CTCF: variants seen among roughly 807,000 people sequenced by gnomAD.
CTCF encodes CCCTC-binding factor.
In CTCF, 7 loss-of-function variants were observed where a neutral mutation model predicts 72.3. That is an observed-to-expected ratio of 0.10 (90% confidence interval 0.06 to 0.18). The LOEUF (loss-of-function observed/expected upper bound fraction) is 0.18, where lower values mean the gene tolerates loss of function less well. CTCF is among the 10% of genes least tolerant of loss of function. The pLI is 1.00. For missense variants in CTCF, 516 were observed against 949.1 expected (o/e 0.54, Z 6.00); for synonymous variants, 374 against 315.8 (o/e 1.18, Z -1.95).
At chr16:67,629,791 T>TTTTTTTTTG (rs2052340044) in intron 10 of CTCF, among the ~76,000 whole-genome samples, 1 of 106,284 alleles carries the variant, frequency 9.4e-6, no homozygotes, top group Non-Finnish European at 1.8e-5. Flanking sequence ...TTTTTTTTTT[T>TTTTTTTTTG]TGAGACGGAG....
chr16:67,588,577 G>T (rs1371153019), intron 2 of CTCF, among the ~76,000 whole-genome samples: 3 of 152,166 alleles, frequency 2.0e-5, no homozygotes, highest in Admixed American at 6.5e-5. Flanking sequence ...GCAGCCTCCT[G>T]TTGGTACTAT....
At chr16:67,634,382 A>AT (rs2052402263) in intron 10 of CTCF, among the ~76,000 whole-genome samples, 1 of 151,754 alleles carries the variant, frequency 6.6e-6, no homozygotes, top group Non-Finnish European at 1.5e-5. Flanking sequence ...TAATTTTTGT[A>AT]TTTTTAGTAG....
chr16:67,629,745 CCTTTTTTTTTTTTTTTTTTTTTTTTT>C (rs2052338387), intron 10 of CTCF, among the ~76,000 whole-genome samples: 2 of 85,028 alleles, frequency 2.4e-5, no homozygotes, highest in Non-Finnish European at 4.6e-5. Flanking sequence ...TCATTAATGC[CCTTTTTTTTTTTTTTTTTTTTTTTTT>C]TTTTTTTTTT....
chr16:67,636,707 C>T lies in CTCF; in HGVS notation c.1855C>T (p.Leu619=). The T allele has an allele frequency of 1.2e-5, 20 of 1,606,200 alleles. No homozygotes were observed. The highest frequency in any genetic ancestry group is 1.7e-5 in the Non-Finnish European group (20 of 1,176,022). ...ATGAAAAGAAAATGCTGAACCAGATCTGGACGACAATGAGGATGAGGAGGA... is the reference window on the plus strand; with the variant it reads ...ATGAAAAGAAAATGCTGAACCAGATTTGGACGACAATGAGGATGAGGAGGA... ...SSDSENAEPD[L]DDNEDEEEPA... Residue 619 remains leucine, a synonymous_variant, in exon 11 of 12, where the codon CTG becomes TTG. Transcript: ENST00000264010.
chr16:67,602,116 G>A (rs577639223), intron 2 of CTCF, among the ~76,000 whole-genome samples: 2 of 152,032 alleles, frequency 1.3e-5, no homozygotes, highest in East Asian at 1.9e-4. Context: ...CGCCTGCCTC[G>A]GCCTCCCAAA....
At chr16:67,572,801 G>A (rs1567590942) in intron 2 of CTCF, among the ~76,000 whole-genome samples, 1 of 151,306 alleles carries the variant, frequency 6.6e-6, no homozygotes. Context: ...CTAGCCGAGT[G>A]TGGTGGTGGG....
chr16:67,588,524 T>G (rs2051697776), intron 2 of CTCF, among the ~76,000 whole-genome samples: 1 of 151,922 alleles, frequency 6.6e-6, no homozygotes, highest in African/African-American at 2.4e-5. Flanking sequence ...AAAGTGTCAT[T>G]TGGGCTATGG....
intron 1 of CTCF, chr16:67,563,674 G>T (rs932226721): frequency 6.6e-6 from 1 of 152,220 alleles, no homozygotes; most frequent in Admixed American, 6.5e-5. Context: ...CTGACTTTGT[G>T]CGCTCAGAGA....
intron 10 of CTCF, 99 bp downstream of exon 10, chr16:67,629,632 C>G: frequency 2.5e-6 from 3 of 1,186,802 alleles, no homozygotes; most frequent in Non-Finnish European, 3.5e-6. Context: ...GAGGCGGGCA[C>G]ACACTCTTCC....
intron 10 of CTCF, among the ~76,000 whole-genome samples, chr16:67,632,384 G>C (rs984602412): frequency 2.0e-4 from 30 of 152,148 alleles, no homozygotes; most frequent in African/African-American, 7.2e-4. Flanking sequence ...ACAGTTCTGT[G>C]TTCTGTCTGC....
chr16:67,565,095 G>A (rs138191498), intron 1 of CTCF, among the ~76,000 whole-genome samples: 2,749 of 151,464 alleles, frequency 0.018, 69 homozygotes, highest in Non-Finnish European at 0.021. Flanking sequence ...TCTGCCTCCC[G>A]GATTCAAGCA....
chr16:67,569,873 A>G (rs903214502), intron 1 of CTCF, among the ~76,000 whole-genome samples: 1 of 151,148 alleles, frequency 6.6e-6, no homozygotes, highest in African/African-American at 2.4e-5. Context: ...TTTAGTAGAG[A>G]TGGGGTTTCG....
intron 2 of CTCF, among the ~76,000 whole-genome samples, chr16:67,595,916 C>T (rs943269613): frequency 1.2e-4 from 18 of 152,044 alleles, no homozygotes; most frequent in African/African-American, 4.3e-4. Flanking sequence ...GCACCAAGGA[C>T]AACATTGGGG....
rs191634027 is a variant in CTCF at position 67,638,673 on chromosome 16, G to C, written c.*801G>C. On this transcript the variant is annotated 3_prime_UTR_variant, in exon 12 of 12. Transcript: ENST00000264010. ...CCCACGGAGCCAGCATTTGAACCTT[G>C]TATAATTAACTTTCAGTTATGATTT... 1 of 230,562 alleles carries C rather than the reference G, an allele frequency of 4.3e-6. No individual in the cohort carries two copies. Among genetic ancestry groups the C allele is most frequent in the African/African-American group, 2.2e-5 (1 of 45,224 alleles). The allele number at this position is 230,562 out of a possible 1,614,324, so 14.3% of individuals were successfully genotyped here. A position where few individuals can be genotyped will look rare whatever the true frequency, so the allele number is the denominator to read the frequency against.
At chr16:67,591,479 T>A (rs2051743174) in intron 2 of CTCF, among the ~76,000 whole-genome samples, 1 of 152,228 alleles carries the variant, frequency 6.6e-6, no homozygotes, top group Non-Finnish European at 1.5e-5. Context: ...TATTGTAGTC[T>A]ACAACTTTCC....
In CTCF at chr16:67,614,827, AC is replaced by A. The variant is rs1431276658; in HGVS notation, c.953-1917del. ...GTGCCATTGCACTCCAGCCTGGGCAACAAGAGCAAAACTCGGTCTCAAGAAA... is the reference window on the plus strand; with the variant it reads ...GTGCCATTGCACTCCAGCCTGGGCAAAAGAGCAAAACTCGGTCTCAAGAAA... On this transcript the variant is annotated intron_variant, in intron 4 of 11. Coordinates refer to ENST00000264010, the MANE Select transcript of CTCF (RefSeq NM_006565.4). The A allele has an allele frequency of 2.6e-5, 4 of 152,484 alleles. No homozygotes were observed. The East Asian group carries it at 7.7e-4, about 29-fold the overall frequency. The allele number at this position is 152,484 out of a possible 1,614,324, so 9.4% of individuals were successfully genotyped here.
intron 2 of CTCF, among the ~76,000 whole-genome samples, chr16:67,584,436 G>T (rs1453709141): frequency 6.8e-6 from 1 of 147,056 alleles, no homozygotes; most frequent in African/African-American, 2.6e-5. Flanking sequence ...TGCCCCCCAG[G>T]TTCAAGCGAT....
chr16:67,566,392 C>G, intron 1 of CTCF, among the ~76,000 whole-genome samples: 1 of 151,408 alleles, frequency 6.6e-6, no homozygotes, highest in African/African-American at 2.4e-5. Flanking sequence ...TTTCTGTAAT[C>G]CCAGCTACTC....
chr16:67,583,045 T>C (rs1193420057), intron 2 of CTCF, among the ~76,000 whole-genome samples: 5 of 149,600 alleles, frequency 3.3e-5, no homozygotes, highest in East Asian at 2.0e-4. Flanking sequence ...AGTGCAGTGG[T>C]GCGATCTCGG....
Sources: allele counts gnomAD v4.1 joint callset (sites outside exome capture counted in the v4.1 genomes callset), GRCh38; gene constraint gnomAD v4.1.1; transcripts MANE v1.5; gene names NCBI Gene and HGNC (gene_info 2026-07-23, HGNC 2026-07-21).